AHCYL2: variants seen among roughly 807,000 people sequenced by gnomAD.
AHCYL2 encodes the protein S-adenosylhomocysteine hydrolase-like protein 2.
In AHCYL2, 28 loss-of-function variants were observed where a neutral mutation model predicts 81.4. That is an observed-to-expected ratio of 0.34 (90% CI 0.25 to 0.47). The LOEUF (loss-of-function observed/expected upper bound fraction) is 0.47, where lower values mean the gene tolerates loss of function less well. AHCYL2 is among the 20% of genes least tolerant of loss of function. The pLI is 1.00. For synonymous variants in AHCYL2, 272 were observed against 290.2 expected (o/e 0.94, Z 0.64); for missense variants, 551 against 785.1 (o/e 0.70, Z 3.56).
At chr7:129,365,029 A>G (rs1794057303) in intron 1 of AHCYL2, among the ~76,000 whole-genome samples, 2 of 152,192 alleles carry the variant, frequency 1.3e-5, no homozygotes, top group Non-Finnish European at 2.9e-5. Context: ...TAAATTTTAA[A>G]TTTGGTAATT....
chr7:129,288,543 A>G (rs1378701265), intron 1 of AHCYL2, among the ~76,000 whole-genome samples: 1 of 149,732 alleles, frequency 6.7e-6, no homozygotes, highest in African/African-American at 2.5e-5. Context: ...TGTTTTTAGT[A>G]GAGACAGGGT....
intron 1 of AHCYL2, among the ~76,000 whole-genome samples, chr7:129,319,447 C>T (rs1169843617): frequency 4.7e-5 from 7 of 148,438 alleles, no homozygotes; most frequent in African/African-American, 1.7e-4. Flanking sequence ...GAGACTCTGT[C>T]GCAAAAAAAA....
chr7:129,357,301 T>C (rs1793765708), intron 1 of AHCYL2, among the ~76,000 whole-genome samples: 1 of 152,238 alleles, frequency 6.6e-6, no homozygotes, highest in Non-Finnish European at 1.5e-5. Flanking sequence ...TGCACCAATG[T>C]GAATTTCTTA....
At chr7:129,258,975 T>C (rs910955231) in intron 1 of AHCYL2, among the ~76,000 whole-genome samples, 2 of 152,220 alleles carry the variant, frequency 1.3e-5, no homozygotes, top group African/African-American at 4.8e-5. Context: ...TTTAAAATCC[T>C]GCTCCTTGGA....
intron 2 of AHCYL2, among the ~76,000 whole-genome samples, chr7:129,382,565 A>C (rs1178559071): frequency 1.3e-5 from 2 of 152,108 alleles, no homozygotes; most frequent in Non-Finnish European, 2.9e-5. Context: ...GTGCCACTGC[A>C]CTTCAGCCTG....
At chr7:129,250,589 T>C (rs373581757) in intron 1 of AHCYL2, among the ~76,000 whole-genome samples, 3 of 152,340 alleles carry the variant, frequency 2.0e-5, no homozygotes, top group East Asian at 3.9e-4. Flanking sequence ...GTGGCAACAG[T>C]GGACATGTTT....
intron 1 of AHCYL2, among the ~76,000 whole-genome samples, chr7:129,350,844 G>A (rs1388751987): frequency 3.3e-5 from 5 of 150,600 alleles, no homozygotes; most frequent in Non-Finnish European, 5.9e-5. Context: ...GCTGGGATTA[G>A]AGGCTCCCGC....
At chr7:129,407,699 A>G (rs545939112) in intron 10 of AHCYL2, among the ~76,000 whole-genome samples, 7 of 152,196 alleles carry the variant, frequency 4.6e-5, no homozygotes, top group Non-Finnish European at 1.0e-4. Context: ...ATACTGTGCT[A>G]TGTGCTGAGA....
chr7:129,350,607 G>A (rs1345255368), intron 1 of AHCYL2, among the ~76,000 whole-genome samples: 1 of 151,756 alleles, frequency 6.6e-6, no homozygotes, highest in Non-Finnish European at 1.5e-5. Flanking sequence ...GGCTGGTCTC[G>A]AACTCCTGAC....
intron 1 of AHCYL2, among the ~76,000 whole-genome samples, chr7:129,352,962 G>A (rs1448877474): frequency 4.4e-5 from 2 of 45,276 alleles, no homozygotes; most frequent in African/African-American, 6.6e-5. Flanking sequence ...TTTTTTTTTG[G>A]TGCAGAGTTT....
At chr7:129,323,673 G>A (rs551830711) in intron 1 of AHCYL2, among the ~76,000 whole-genome samples, 1 of 152,080 alleles carries the variant, frequency 6.6e-6, no homozygotes, top group African/African-American at 2.4e-5. Context: ...AGTTAGAATT[G>A]TAGGTTTGTC....
In AHCYL2 at chr7:129,390,240, A is replaced by G. The variant is rs188827606; in HGVS notation, c.720+506A>G. ...ATACAAAATAACAAGAAATATAACA[A>G]CTATTTACATAGCATTTACACTGTA... On this transcript the variant is annotated intron_variant, in intron 4 of 16. Transcript: ENST00000325006. Among the ~76,000 whole-genome samples the G allele has an allele frequency of 8.5e-4, 130 of 152,338 alleles. 1 individual carries two copies. The highest frequency in any genetic ancestry group is 6.3e-3 in the Admixed American group (96 of 15,298).
chr7:129,263,874 T>C (rs73722908), intron 1 of AHCYL2, among the ~76,000 whole-genome samples: 1 of 152,184 alleles, frequency 6.6e-6, no homozygotes, highest in African/African-American at 2.4e-5. Flanking sequence ...GGGATTCTTT[T>C]AGAGTTACCT....
intron 1 of AHCYL2, chr7:129,367,996 A>G: frequency 1.9e-5 from 12 of 641,124 alleles, no homozygotes; most frequent in Non-Finnish European, 2.3e-5. Context: ...TTACTGATCC[A>G]AATCAAGCAA....
intron 2 of AHCYL2, among the ~76,000 whole-genome samples, chr7:129,385,503 G>T (rs1183028108): frequency 2.0e-5 from 3 of 152,298 alleles, no homozygotes; most frequent in South Asian, 4.1e-4. Flanking sequence ...TCATCATGCT[G>T]TCTTTTGATT....
At chr7:129,367,854 A>G (rs561053490) in intron 1 of AHCYL2, among the ~76,000 whole-genome samples, 30 of 152,340 alleles carry the variant, frequency 2.0e-4, no homozygotes, top group African/African-American at 7.0e-4. Flanking sequence ...CGAACCTCCC[A>G]TGCAATAAGA....
At position 129,402,228 on chromosome 7, in the gene AHCYL2, A is replaced by G. The variant is rs115459672; in HGVS notation, c.919-1151A>G. On this transcript the variant is annotated intron_variant, in intron 6 of 16. Coordinates refer to ENST00000325006, the MANE Select transcript of AHCYL2 (RefSeq NM_015328.4). ...TGGGGCATCTGTTCTGGGGGTTTCT[A>G]CTTGTAGTATGGAGCAAGTACAAGA... Among the ~76,000 whole-genome samples, 552 of 152,234 alleles carry G rather than the reference A, an allele frequency of 3.6e-3. 6 individuals carry two copies. Among genetic ancestry groups the G allele is most frequent in the African/African-American group, 0.012 (485 of 41,528 alleles).
At chr7:129,270,404 A>G (rs1344977741) in intron 1 of AHCYL2, among the ~76,000 whole-genome samples, 1 of 152,218 alleles carries the variant, frequency 6.6e-6, no homozygotes, top group Non-Finnish European at 1.5e-5. Context: ...TAAAAGGCAG[A>G]ACATTTTTCA....
chr7:129,233,295 C>G (rs1345395107), intron 1 of AHCYL2, among the ~76,000 whole-genome samples: 1 of 152,068 alleles, frequency 6.6e-6, no homozygotes, highest in African/African-American at 2.4e-5. Context: ...AGCAATCCTC[C>G]TGTCTCAGCC....
Sources: allele counts gnomAD v4.1 joint callset (sites outside exome capture counted in the v4.1 genomes callset), GRCh38; gene constraint gnomAD v4.1.1; transcripts MANE v1.5; gene names NCBI Gene and HGNC (gene_info 2026-07-23, HGNC 2026-07-21).